The following ARHGAP15 variants were observed in gnomAD, a reference collection of about 807,000 sequenced individuals.
The protein encoded by ARHGAP15 is Rho GTPase activating protein 15, also known as rho GTPase-activating protein 15.
A neutral mutation model predicts 63.7 loss-of-function variants in ARHGAP15; 51 were observed. The ratio of observed to expected loss-of-function variants is 0.80; its 90% CI spans 0.64 to 1.01. ARHGAP15 has a LOEUF of 1.01. ARHGAP15 is among the 50% of genes least tolerant of loss of function. ARHGAP15 has a pLI of 0.00. For missense variants in ARHGAP15, 560 were observed against 564.6 expected (o/e 0.99, Z 0.08); for synonymous variants, 191 against 193.8 (o/e 0.99, Z 0.12).
At chr2:143,330,242 A>C (rs945263625) in intron 6 of ARHGAP15, among the ~76,000 whole-genome samples, 6 of 151,514 alleles carry the variant, frequency 4.0e-5, no homozygotes, top group Admixed American at 6.6e-5. Context: ...TTTAAGTGAA[A>C]ATTGGCCTAA....
In ARHGAP15 at chr2:143,581,805, T is replaced by C. The variant is rs1262765948; in HGVS notation, c.1003+25320T>C. Reference sequence around the variant, plus strand: ...CCCCAACTTCACATTCCCAGAATCTTTGGAAGAGCAAAAACTCTCATCTTC... The same window carrying C: ...CCCCAACTTCACATTCCCAGAATCTCTGGAAGAGCAAAAACTCTCATCTTC... On this transcript the variant is annotated intron_variant, in intron 11 of 13. Coordinates refer to ENST00000295095, the MANE Select transcript of ARHGAP15 (RefSeq NM_018460.4). 2.6e-5 allele frequency among the ~76,000 whole-genome samples: 4 copies of C among 152,166 alleles called. No homozygotes were observed. In the East Asian group the frequency reaches 7.7e-4, roughly 29 times the overall value.
At chr2:143,343,373 G>A (rs1204404204) in intron 6 of ARHGAP15, among the ~76,000 whole-genome samples, 1 of 151,980 alleles carries the variant, frequency 6.6e-6, no homozygotes, top group African/African-American at 2.4e-5. Context: ...TTTGGCAGGG[G>A]GTGGGGTGGT....
rs115775123 is a variant in ARHGAP15 at position 143,617,692 on chromosome 2, A to G, written c.1004-6441A>G. Among the ~76,000 whole-genome samples the G allele has an allele frequency of 4.2e-3, 635 of 152,334 alleles. 2 individuals carry two copies. The highest frequency in any genetic ancestry group is 0.014 in the African/African-American group (590 of 41,584). ...GGAATGGAAGAACACAATTCAGCAC[A>G]TAACAGGCACGATGCATATTTTTGG... On this transcript the variant is annotated intron_variant, in intron 11 of 13. Transcript: ENST00000295095.
chr2:143,628,207 T>C (rs1698912637), intron 12 of ARHGAP15, among the ~76,000 whole-genome samples: 1 of 152,188 alleles, frequency 6.6e-6, no homozygotes, highest in African/African-American at 2.4e-5. Context: ...GTACCACATT[T>C]TCTTTATCCA....
chr2:143,519,536 T>C, intron 10 of ARHGAP15, 172 bp downstream of exon 10: 2 of 490,822 alleles, frequency 4.1e-6, no homozygotes, highest in Non-Finnish European at 7.5e-6. Context: ...GTTTTTACAA[T>C]AGGGACATTA....
rs554624241 is a variant in ARHGAP15 at position 143,525,038 on chromosome 2, C to T, written c.925+5674C>T. On this transcript the variant is annotated intron_variant, in intron 10 of 13. Transcript: ENST00000295095. The stretch of plus-strand genomic sequence containing the variant: ...AATCAGACTTTACATAGTTGTTTCC[C>T]GTTGCCTTTGAATCCAGGCCCCGAA... Among the ~76,000 whole-genome samples, 360 of 152,202 alleles carry T rather than the reference C, an allele frequency of 2.4e-3. 1 individual carries two copies. The highest frequency in any genetic ancestry group is 7.8e-3 in the African/African-American group (324 of 41,540).
intron 6 of ARHGAP15, among the ~76,000 whole-genome samples, chr2:143,429,015 A>T (rs1261591500): frequency 6.6e-6 from 1 of 152,118 alleles, no homozygotes. Flanking sequence ...TGATATCTTT[A>T]TACACCAACT....
chr2:143,263,521 A>G (rs182942810), intron 6 of ARHGAP15, among the ~76,000 whole-genome samples: 1 of 152,230 alleles, frequency 6.6e-6, no homozygotes, highest in East Asian at 1.9e-4. Flanking sequence ...CAGCATCTCC[A>G]TCTCTGCCAC....
intron 1 of ARHGAP15, among the ~76,000 whole-genome samples, chr2:143,133,809 A>G (rs1689002504): frequency 6.6e-6 from 1 of 152,204 alleles, no homozygotes; most frequent in Middle Eastern, 3.4e-3. Flanking sequence ...CATGTTTAAT[A>G]TATATATTTA....
At chr2:143,416,165 T>C (rs76282588) in intron 6 of ARHGAP15, among the ~76,000 whole-genome samples, 2 of 151,286 alleles carry the variant, frequency 1.3e-5, no homozygotes, top group Non-Finnish European at 1.5e-5. Flanking sequence ...GATGGATTGT[T>C]AGTTGCAGCA....
intron 6 of ARHGAP15, among the ~76,000 whole-genome samples, chr2:143,335,234 C>T (rs951382759): frequency 2.2e-4 from 33 of 152,282 alleles, no homozygotes; most frequent in African/African-American, 7.5e-4. Flanking sequence ...ATAGCCAGCA[C>T]CAACTCTGAT....
At chr2:143,681,879 A>G (rs553085807) in intron 12 of ARHGAP15, among the ~76,000 whole-genome samples, 21 of 152,202 alleles carry the variant, frequency 1.4e-4, no homozygotes, top group Admixed American at 3.3e-4. Context: ...TTGGTGCCCT[A>G]TTCATAGTGT....
chr2:143,158,952 T>C (rs534300423), intron 2 of ARHGAP15, among the ~76,000 whole-genome samples: 3 of 152,054 alleles, frequency 2.0e-5, no homozygotes, highest in African/African-American at 4.8e-5. Context: ...CAGTTTAGAA[T>C]AGATATTAAT....
At chr2:143,575,058 G>C (rs139408100) in intron 11 of ARHGAP15, among the ~76,000 whole-genome samples, 1,562 of 152,056 alleles carry the variant, frequency 0.01, 29 homozygotes, top group African/African-American at 0.036. Context: ...GCTAATATCC[G>C]ATCACTAATA....
At chr2:143,667,600 A>G (rs1220365862) in intron 12 of ARHGAP15, among the ~76,000 whole-genome samples, 10 of 151,032 alleles carry the variant, frequency 6.6e-5, no homozygotes, top group African/African-American at 2.0e-4. Flanking sequence ...AAAAAAAAAA[A>G]AAAGAAAAGA....
chr2:143,555,284 CTT>C lies in ARHGAP15; in HGVS notation c.926-1122_926-1121del, dbSNP rs1695737866. On this transcript the variant is annotated intron_variant, in intron 10 of 13. Transcript: ENST00000295095. ...ATGCCAGTAAAGTGCTTTGGGAAGT[CTT>C]TATTCTGTTACACTATGGCAATAAT... 1.3e-5 allele frequency among the ~76,000 whole-genome samples: 2 copies of C among 152,146 alleles called. 1 individual carries two copies.
intron 6 of ARHGAP15, among the ~76,000 whole-genome samples, chr2:143,326,141 TAACCA>T (rs1316268996): frequency 6.6e-6 from 1 of 152,182 alleles, no homozygotes; most frequent in Non-Finnish European, 1.5e-5. Flanking sequence ...TAGAGATACT[TAACCA>T]AACAGAAAAA....
At chr2:143,597,595 G>T (rs1223615610) in intron 11 of ARHGAP15, among the ~76,000 whole-genome samples, 1 of 152,048 alleles carries the variant, frequency 6.6e-6, no homozygotes, top group African/African-American at 2.4e-5. Context: ...TCTCAAAGGA[G>T]AAATATTTAA....
chr2:143,192,649 A>T (rs568352629), intron 2 of ARHGAP15, among the ~76,000 whole-genome samples: 45 of 152,154 alleles, frequency 3.0e-4, no homozygotes, highest in Non-Finnish European at 5.1e-4. Flanking sequence ...TGAAAGAGAG[A>T]TGCTATTTCT....
Sources: allele counts gnomAD v4.1 joint callset (sites outside exome capture counted in the v4.1 genomes callset), GRCh38; gene constraint gnomAD v4.1.1; transcripts MANE v1.5; gene names NCBI Gene and HGNC (gene_info 2026-07-23, HGNC 2026-07-21).